MCCC1: variants seen among roughly 807,000 people sequenced by gnomAD.
MCCC1 encodes the protein methylcrotonoyl-CoA carboxylase subunit alpha, mitochondrial.
A neutral mutation model predicts 83.8 loss-of-function variants in MCCC1; 64 were observed. The observed-to-expected ratio is 0.76, with a 90% CI of 0.62 to 0.94. The LOEUF (loss-of-function observed/expected upper bound fraction) is 0.94. Among genes scored for constraint, MCCC1 ranks in the 40% least tolerant of loss-of-function variants. The probability of loss-of-function intolerance (pLI) is 0.00; values close to 1 mark genes in which losing one functional copy is unlikely to be tolerated. For missense variants in MCCC1, 807 were observed against 904.7 expected (o/e 0.89, Z 1.39); for synonymous variants, 322 against 315.4 (o/e 1.02, Z -0.22).
intron 7 of MCCC1, among the ~76,000 whole-genome samples, chr3:183,063,616 T>A (rs188123205): frequency 2.0e-5 from 3 of 152,296 alleles, no homozygotes; most frequent in Admixed American, 2.0e-4. Flanking sequence ...ATTCCTTTAC[T>A]TTCTTAATAA....
At chr3:183,039,850 A>C (rs768467909) in intron 11 of MCCC1, among the ~76,000 whole-genome samples, 2 of 152,028 alleles carry the variant, frequency 1.3e-5, no homozygotes, top group Non-Finnish European at 2.9e-5. Context: ...TACTCCCAAG[A>C]CTTTGGGAGG....
chr3:183,073,631 T>C (rs1277845192), intron 4 of MCCC1, among the ~76,000 whole-genome samples: 1 of 152,242 alleles, frequency 6.6e-6, no homozygotes, highest in Non-Finnish European at 1.5e-5. Flanking sequence ...TGCCATGCCC[T>C]GTGGCCATAA....
intron 16 of MCCC1, among the ~76,000 whole-genome samples, chr3:183,022,127 C>G (rs1712206344): frequency 6.6e-6 from 1 of 152,144 alleles, no homozygotes; most frequent in Non-Finnish European, 1.5e-5. Context: ...ACCCACTGAG[C>G]AGGGAGATAT....
At position 183,034,215 on chromosome 3, in the gene MCCC1, C is replaced by G. The variant is rs971348452; in HGVS notation, c.1595-138G>C. 2.9e-4 allele frequency: 183 copies of G among 633,976 alleles called. 1 individual carries two copies. Among genetic ancestry groups the G allele is most frequent in the Non-Finnish European group, 4.4e-4 (155 of 352,174 alleles). 39.3% of individuals were successfully genotyped at this position (633,976 alleles called of 1,614,324 possible). A position where few individuals can be genotyped will look rare whatever the true frequency, so the allele number is the denominator to read the frequency against. On this transcript the variant is annotated intron_variant, in intron 13 of 18. Transcript: ENST00000265594. ...CCTGTAATCCCAGCACTTTGGGAGGCCAAGGCGGGCGGATCATGAGGTCAG... is the reference window on the plus strand; with the variant it reads ...CCTGTAATCCCAGCACTTTGGGAGGGCAAGGCGGGCGGATCATGAGGTCAG...
chr3:183,109,813 T>C (rs1174300123), intron 1 of MCCC1, among the ~76,000 whole-genome samples: 1 of 152,206 alleles, frequency 6.6e-6, no homozygotes, highest in Non-Finnish European at 1.5e-5. Context: ...TGTTTTAAGT[T>C]CTTTGAGAAA....
intron 2 of MCCC1, among the ~76,000 whole-genome samples, 171 bp from the exon 3 acceptor site, chr3:183,092,716 C>T (rs908656611): frequency 3.3e-5 from 5 of 152,140 alleles, no homozygotes; most frequent in South Asian, 2.1e-4. Context: ...TTAGACAGTG[C>T]ACTTCTTTTC....
chr3:183,096,551 CTATG>C (rs1718752644), intron 1 of MCCC1, among the ~76,000 whole-genome samples: 1 of 152,072 alleles, frequency 6.6e-6, no homozygotes, highest in Non-Finnish European at 1.5e-5. Flanking sequence ...ATGTATATGA[CTATG>C]TAGTTGAGCA....
upstream of MCCC1, among the ~76,000 whole-genome samples, chr3:183,100,536 A>G (rs1246124090): frequency 6.6e-6 from 1 of 152,246 alleles, no homozygotes; most frequent in Non-Finnish European, 1.5e-5. Context: ...GAGCACAAAA[A>G]AGATGGAAGT....
At chr3:183,114,875 T>C (rs1218755642) in intron 1 of MCCC1, among the ~76,000 whole-genome samples, 1 of 152,162 alleles carries the variant, frequency 6.6e-6, no homozygotes, top group African/African-American at 2.4e-5. Flanking sequence ...TGTATTTTGC[T>C]CCTAGGGATT....
Position 183,072,410 on chromosome 3 carries a change from A to G in MCCC1, c.447T>C (p.Phe149=). The change falls in exon 5 of 19, where the codon TTT becomes TTC. Residue 149 remains phenylalanine (F), a synonymous_variant. Transcript: ENST00000265594. ...TAATTGCAGATGGAGGAGGGCCTAT[A>G]AAAATAATTCCTTCTTGCTTACAAA... The part of the protein sequence containing the change: ...AELCKQEGII[F]IGPPPSAIRD... The G allele has an allele frequency of 1.2e-6, 2 of 1,613,978 alleles. No individual in the cohort carries two copies. The highest frequency in any genetic ancestry group is 4.5e-5 in the East Asian group (2 of 44,866).
intron 16 of MCCC1, among the ~76,000 whole-genome samples, chr3:183,021,463 G>C (rs1345679154): frequency 6.6e-6 from 1 of 152,154 alleles, no homozygotes; most frequent in Admixed American, 6.5e-5. Context: ...CAAGCAATCT[G>C]CCTGCCTTGG....
rs780357296 is a variant in MCCC1 at position 183,045,542 on chromosome 3, TA to T, written c.956-3del. On this transcript the variant is annotated splice_region_variant and splice_polypyrimidine_tract_variant and intron_variant, in intron 9 of 18. Coordinates refer to ENST00000265594, the MANE Select transcript of MCCC1 (RefSeq NM_020166.5). Reference sequence around the variant, plus strand: ...AGTCCATAATAAACTCCACAGTCCCTAAAAGGTAAAAAACAATGGTCATATT... The same window carrying T: ...AGTCCATAATAAACTCCACAGTCCCTAAAGGTAAAAAACAATGGTCATATT... 1.2e-6 allele frequency: 2 copies of T among 1,613,770 alleles called. No individual in the cohort carries two copies. The highest frequency in any genetic ancestry group is 2.2e-5 in the South Asian group (2 of 91,070).
chr3:183,017,451 G>A (rs1320229105), intron 17 of MCCC1, 114 bp from the exon 18 acceptor site: 28 of 924,494 alleles, frequency 3.0e-5, no homozygotes, highest in Non-Finnish European at 4.7e-5. Context: ...ACATCATGTT[G>A]CAAACCATGA....
At chr3:183,045,288 C>T in intron 10 of MCCC1, 125 bp downstream of exon 10, 1 of 1,108,098 alleles carries the variant, frequency 9.0e-7, no homozygotes, top group East Asian at 2.6e-5. Context: ...CCACATTGGC[C>T]AGGCTGGTCT....
chr3:183,104,171 G>A (rs1212043696), upstream of MCCC1, among the ~76,000 whole-genome samples: 1 of 152,350 alleles, frequency 6.6e-6, no homozygotes, highest in East Asian at 1.9e-4. Context: ...CTCCGGCCTT[G>A]GCCAGCCTAG....
chr3:183,094,467 A>C, intron 2 of MCCC1, 92 bp downstream of exon 2: 2 of 1,174,948 alleles, frequency 1.7e-6, no homozygotes, highest in Non-Finnish European at 2.5e-6. Context: ...AACTAATTCT[A>C]TTATGCATAT....
chr3:183,103,983 G>A (rs1327825615), upstream of MCCC1, among the ~76,000 whole-genome samples: 1 of 152,196 alleles, frequency 6.6e-6, no homozygotes. Context: ...GCAGCCGCTG[G>A]CCCGGGTGCT....
At chr3:183,101,594 C>A (rs2108580902), upstream of MCCC1, among the ~76,000 whole-genome samples, 1 of 152,334 alleles carries the variant, frequency 6.6e-6, no homozygotes, top group South Asian at 2.1e-4. Flanking sequence ...ACGCACCAAT[C>A]AGCACCCTGA....
chr3:183,101,307 G>A (rs1169502992), upstream of MCCC1, among the ~76,000 whole-genome samples: 1 of 152,262 alleles, frequency 6.6e-6, no homozygotes, highest in East Asian at 1.9e-4. Flanking sequence ...AGGACTGGCA[G>A]GCAGCTCCAC....
Sources: allele counts gnomAD v4.1 joint callset (sites outside exome capture counted in the v4.1 genomes callset), GRCh38; gene constraint gnomAD v4.1.1; transcripts MANE v1.5; gene names NCBI Gene and HGNC (gene_info 2026-07-23, HGNC 2026-07-21).